Variants in CELF2 observed in about 807,000 individuals in gnomAD.
CELF2 encodes the protein CUG triplet repeat RNA-binding protein 2.
CELF2 carries 8 observed loss-of-function variants against 62.6 expected under a neutral mutation model. The ratio of observed to expected loss-of-function variants is 0.13; its 90% CI spans 0.07 to 0.23. The LOEUF is 0.23. Among genes scored for constraint, CELF2 ranks in the 10% least tolerant of loss-of-function variants. CELF2 has a pLI of 1.00. For missense variants in CELF2, 333 were observed against 671.0 expected (o/e 0.50, Z 5.56); for synonymous variants, 258 against 250.0 (o/e 1.03, Z -0.30).
intron 1 of CELF2, among the ~76,000 whole-genome samples, chr10:11,091,827 C>T (rs1018779296): frequency 6.6e-6 from 1 of 152,198 alleles, no homozygotes; most frequent in Non-Finnish European, 1.5e-5. Flanking sequence ...ACATGACTCT[C>T]AATCAAATAC....
chr10:10,613,657 T>C, the CELF2 span, among the ~76,000 whole-genome samples: 1 of 152,192 alleles, frequency 6.6e-6, no homozygotes, highest in African/African-American at 2.4e-5. Context: ...AATGCAAACA[T>C]GTATCAGTTG....
the CELF2 span, among the ~76,000 whole-genome samples, chr10:10,678,499 C>T: frequency 2.6e-5 from 4 of 152,108 alleles, no homozygotes; most frequent in Admixed American, 6.5e-5. Flanking sequence ...GGCTTGGTTA[C>T]ATAAACATGG....
the CELF2 span, among the ~76,000 whole-genome samples, chr10:10,719,759 A>C: frequency 6.6e-6 from 1 of 152,188 alleles, no homozygotes; most frequent in Non-Finnish European, 1.5e-5. Flanking sequence ...AATGGGACCT[A>C]TCTACCCAAC....
chr10:10,813,653 A>T (rs748291401), intron 1 of CELF2, among the ~76,000 whole-genome samples: 1 of 152,248 alleles, frequency 6.6e-6, no homozygotes, highest in Non-Finnish European at 1.5e-5. Context: ...CCCCTTCTCC[A>T]TGAAAGCACA....
intron 2 of CELF2, among the ~76,000 whole-genome samples, chr10:10,966,950 G>A (rs2050184133): frequency 6.6e-6 from 1 of 152,220 alleles, no homozygotes; most frequent in South Asian, 2.1e-4. Flanking sequence ...GAAGTGAAAT[G>A]CCTGAATGGA....
intron 1 of CELF2, among the ~76,000 whole-genome samples, chr10:11,153,973 T>A (rs1015714922): frequency 2.0e-5 from 3 of 152,210 alleles, no homozygotes; most frequent in Non-Finnish European, 2.9e-5. Flanking sequence ...TGAAATTAAT[T>A]TGATTCTGAA....
intron 2 of CELF2, among the ~76,000 whole-genome samples, chr10:10,933,037 G>A (rs4750009): frequency 0.35 from 52,695 of 151,954 alleles, 10,066 homozygotes; most frequent in East Asian, 0.73. Context: ...GCTCATGCCT[G>A]TAATCCCAGC....
chr10:11,171,055 C>A (rs1450566440), intron 2 of CELF2, among the ~76,000 whole-genome samples: 1 of 152,184 alleles, frequency 6.6e-6, no homozygotes, highest in Non-Finnish European at 1.5e-5. Context: ...CTTTTGGCAA[C>A]TTCTCAGCTC....
intron 1 of CELF2, among the ~76,000 whole-genome samples, chr10:11,129,306 C>T (rs1595828450): frequency 3.3e-5 from 5 of 152,274 alleles, no homozygotes; most frequent in South Asian, 2.1e-4. Flanking sequence ...ATTTTTGCAT[C>T]GATGTTCATC....
At chr10:11,261,338 C>T (rs2080489457) in intron 5 of CELF2, among the ~76,000 whole-genome samples, 2 of 151,874 alleles carry the variant, frequency 1.3e-5, no homozygotes, top group African/African-American at 2.4e-5. Context: ...CCAGTACCCC[C>T]ACTGTGTCAG....
At chr10:11,072,615 T>A (rs1384438283) in intron 1 of CELF2, among the ~76,000 whole-genome samples, 1 of 152,216 alleles carries the variant, frequency 6.6e-6, no homozygotes, top group Non-Finnish European at 1.5e-5. Context: ...CATTATTGCC[T>A]GAGCTGATCT....
At chr10:10,970,070 T>C (rs1326184197) in intron 2 of CELF2, among the ~76,000 whole-genome samples, 1 of 152,096 alleles carries the variant, frequency 6.6e-6, no homozygotes, top group Non-Finnish European at 1.5e-5. Context: ...TATTTATTTA[T>C]TTATTTATTT....
chr10:10,564,688 A>ACG, the CELF2 span, among the ~76,000 whole-genome samples: 48 of 119,952 alleles, frequency 4.0e-4, no homozygotes, highest in African/African-American at 1.5e-3. Context: ...ACACGCACAC[A>ACG]CACACACACA....
At chr10:10,663,077 T>A in the CELF2 span, among the ~76,000 whole-genome samples, 2 of 152,150 alleles carry the variant, frequency 1.3e-5, no homozygotes, top group African/African-American at 2.4e-5. Context: ...ATTATTTCCA[T>A]CAAAGGAAGA....
intron 1 of CELF2, among the ~76,000 whole-genome samples, chr10:10,908,213 G>GCTTTTTTTT (rs1564802363): frequency 7.5e-5 from 2 of 26,542 alleles, no homozygotes; most frequent in Non-Finnish European, 6.7e-5. Context: ...TGTATGAGGG[G>GCTTTTTTTT]ATTTTTTTTT....
rs1197930455 is a variant in CELF2, at chr10:11,227,032, C to A, written c.354+9525C>A. 6.6e-6 allele frequency among the ~76,000 whole-genome samples: 1 copy of A among 152,160 alleles called. No individual in the cohort carries two copies. The highest frequency in any genetic ancestry group is 1.9e-4 in the East Asian group (1 of 5,196). On this transcript the variant is annotated intron_variant, in intron 3 of 12. Transcript: ENST00000633077. The surrounding 1 kb of genome is among the most constrained non-coding windows in gnomAD (Gnocchi z 4.8). ...TCGCCATTGCTCTGCTTCCGTGTTCCACAGACAGGGGAAGGGCAAGTATGG... is the reference window on the plus strand; with the variant it reads ...TCGCCATTGCTCTGCTTCCGTGTTCAACAGACAGGGGAAGGGCAAGTATGG...
rs560314293 is a variant in CELF2 at position 10,969,990 on chromosome 10, G to T, written c.89+49991G>T. ...CAAGGATGCTTCACCAAGCCATGGA[G>T]GGGGGCGGCTTCTAATGGAAATAAC... is the stretch of plus-strand genomic sequence containing the variant. On this transcript the variant is annotated intron_variant, in intron 2 of 13. Coordinates refer to the CELF2 transcript ENST00000636488. 7.2e-5 allele frequency among the ~76,000 whole-genome samples: 11 copies of T among 152,304 alleles called. No homozygotes were observed. In the East Asian group the frequency reaches 2.1e-3, roughly 29 times the overall value.
chr10:10,510,677 A>G, the CELF2 span, among the ~76,000 whole-genome samples: 15 of 152,338 alleles, frequency 9.8e-5, no homozygotes, highest in East Asian at 2.9e-3. Flanking sequence ...TAATAGCTGT[A>G]GTGAAAACCA....
intron 3 of CELF2, among the ~76,000 whole-genome samples, chr10:11,222,485 C>T (rs1045795192): frequency 6.6e-5 from 10 of 152,220 alleles, no homozygotes; most frequent in African/African-American, 2.4e-4. Context: ...ACAACCGAAA[C>T]ATCTGTATGA....
Sources: gnomAD v4.1 joint callset for allele counts (sites outside exome capture counted in the v4.1 genomes callset) on GRCh38, gnomAD v4.1.1 for gene constraint, Gnocchi (gnomAD v3.1) non-coding constraint, MANE v1.5 for transcripts, NCBI Gene and HGNC (gene_info 2026-07-23, HGNC 2026-07-21) for gene names.